The following PPID variants were observed in gnomAD, a reference collection of about 807,000 sequenced individuals.
The protein encoded by PPID is peptidyl-prolyl cis-trans isomerase D.
Under a neutral mutation model 48.1 loss-of-function variants are expected in PPID, and 47 were observed. That is an observed-to-expected ratio of 0.98 (90% CI 0.77 to 1.25). PPID has a LOEUF of 1.25. PPID is among the 50% of genes most tolerant of loss of function. PPID has a pLI of 0.00. For synonymous variants in PPID, 163 were observed against 148.8 expected (o/e 1.10, Z -0.69); for missense variants, 429 against 443.5 (o/e 0.97, Z 0.29).
At chr4:158,719,429 C>T (rs1580433119) in intron 2 of PPID, 143 bp from the exon 3 acceptor site, 1 of 610,294 alleles carries the variant, frequency 1.6e-6, no homozygotes, top group Non-Finnish European at 2.9e-6. Context: ...CACCCGTCTC[C>T]GCAACTCCAA....
At chr4:158,713,296 C>T (rs777380310) in intron 6 of PPID, 36 bp from the exon 7 acceptor site, 3 of 1,534,728 alleles carry the variant, frequency 2.0e-6, no homozygotes, top group African/African-American at 2.8e-5. Context: ...TATGAAAGAC[C>T]ACATAAACAG....
chr4:158,722,008 C>T (rs889353174), intron 1 of PPID, among the ~76,000 whole-genome samples: 4 of 152,154 alleles, frequency 2.6e-5, no homozygotes, highest in Non-Finnish European at 5.9e-5. Flanking sequence ...ATGAATAATG[C>T]TGCAATGAAC....
intron 1 of PPID, among the ~76,000 whole-genome samples, chr4:158,722,996 C>T (rs1361251733): frequency 6.6e-6 from 1 of 152,200 alleles, no homozygotes; most frequent in Non-Finnish European, 1.5e-5. Context: ...CCAGAAACTT[C>T]CGCACCACCG....
chr4:158,714,845 C>G (rs1774844336), intron 6 of PPID, among the ~76,000 whole-genome samples: 1 of 152,186 alleles, frequency 6.6e-6, no homozygotes, highest in South Asian at 2.1e-4. Context: ...CCAGCTTGGC[C>G]TCCCAAAGTG....
intron 5 of PPID, 70 bp from the exon 6 acceptor site, chr4:158,715,473 G>A (rs1183391354): frequency 1.4e-5 from 22 of 1,541,660 alleles, no homozygotes; most frequent in Admixed American, 3.6e-5. Flanking sequence ...TCTATCATAT[G>A]AGAGACTGAA....
At chr4:158,719,140 A>T in intron 3 of PPID, 40 bp downstream of exon 3, 2 of 1,344,432 alleles carry the variant, frequency 1.5e-6, no homozygotes, top group Non-Finnish European at 2.1e-6. Flanking sequence ...ATATATAACA[A>T]TCTTTTTATC....
intron 7 of PPID, 131 bp downstream of exon 7, chr4:158,712,988 G>T (rs773842936): frequency 4.9e-5 from 47 of 961,954 alleles, no homozygotes; most frequent in Non-Finnish European, 7.0e-5. Context: ...AAAATATTTA[G>T]AAACAAAATG....
At position 158,719,084 on chromosome 4, in the gene PPID, C is replaced by A. The variant is rs532312704; in HGVS notation, c.333+96G>T. 2.3e-5 allele frequency: 17 copies of A among 730,092 alleles called. No homozygotes were observed. The African/African-American group carries it at 3.0e-4, about 13-fold the overall frequency. 45.2% of individuals were successfully genotyped at this position (730,092 alleles called of 1,614,324 possible). On this transcript the variant is annotated intron_variant, in intron 3 of 9. Coordinates refer to ENST00000307720, the MANE Select transcript of PPID (RefSeq NM_005038.3). The stretch of plus-strand genomic sequence containing the variant: ...TATTACAAGAAATGGAGAATCTAAG[C>A]ACACTTGAAACATTTTTTGGTGTCT...
chr4:158,714,966 G>A (rs1774846198), intron 6 of PPID, among the ~76,000 whole-genome samples: 1 of 152,112 alleles, frequency 6.6e-6, no homozygotes, highest in Non-Finnish European at 1.5e-5. Flanking sequence ...GAATGTCTTT[G>A]TTTCTTAGGA....
At chr4:158,712,999 T>C (rs1046972010) in intron 7 of PPID, 120 bp downstream of exon 7, 2 of 1,047,216 alleles carry the variant, frequency 1.9e-6, no homozygotes, top group African/African-American at 3.3e-5. Flanking sequence ...AAACAAAATG[T>C]TTTCTTAAGC....
Position 158,717,010 on chromosome 4 carries a change from A to G in PPID, c.522+2T>C. ...TGTATTTCACTGTAACTTTTTACTT[A>G]CTTTAGCAGGTTTTTCACCTTTCAC... On this transcript the variant is annotated splice_donor_variant, in intron 4 of 9. Coordinates refer to ENST00000307720, the MANE Select transcript of PPID (RefSeq NM_005038.3). LOFTEE classifies it high-confidence loss of function. 1 of 1,607,318 alleles carries G rather than the reference A, an allele frequency of 6.2e-7. No homozygotes were observed. Among genetic ancestry groups the G allele is most frequent in the South Asian group, 1.1e-5 (1 of 90,726 alleles).
chr4:158,723,141 C>T, intron 1 of PPID, 63 bp downstream of exon 1: 1 of 1,484,710 alleles, frequency 6.7e-7, no homozygotes. Flanking sequence ...CCCTTGGAAT[C>T]CCCCAAATCC....
In PPID at chr4:158,721,339, A is replaced by T. The variant is rs555339594; in HGVS notation, c.226+4T>A. ...ATAACAAGATTAAGAAAATTTACAC[A>T]TACTTCGATGAAAAGGGCATCCTTT... On this transcript the variant is annotated splice_donor_region_variant and intron_variant, in intron 2 of 9. Transcript: ENST00000307720. 6.2e-7 allele frequency: 1 copy of T among 1,613,542 alleles called. No individual in the cohort carries two copies. Among genetic ancestry groups the T allele is most frequent in the Non-Finnish European group, 8.5e-7 (1 of 1,179,736 alleles).
At chr4:158,710,973 C>G in intron 7 of PPID, 125 bp from the exon 8 acceptor site, 1 of 830,656 alleles carries the variant, frequency 1.2e-6, no homozygotes, top group Non-Finnish European at 1.9e-6. Flanking sequence ...CTGAAACATG[C>G]AAATAGCTCT....
At chr4:158,710,199 A>G (rs916609446) in intron 9 of PPID, 1 of 337,640 alleles carries the variant, frequency 3.0e-6, no homozygotes, top group Admixed American at 4.7e-5. Flanking sequence ...TAAAACATAT[A>G]ACCAGTACAT....
At chr4:158,720,096 C>T (rs949087658) in intron 2 of PPID, among the ~76,000 whole-genome samples, 6 of 152,202 alleles carry the variant, frequency 3.9e-5, no homozygotes, top group African/African-American at 1.4e-4. Flanking sequence ...GCACACTCTA[C>T]CTAGCATGTA....
At chr4:158,713,291 A>G (rs1357522067) in intron 6 of PPID, 31 bp from the exon 7 acceptor site, 1 of 1,548,754 alleles carries the variant, frequency 6.5e-7, no homozygotes, top group African/African-American at 1.4e-5. Flanking sequence ...AGCAGTATGA[A>G]AGACCACATA....
In PPID at chr4:158,715,308, T is replaced by G. The variant is rs779279365; in HGVS notation, c.741A>C (p.Ala247=). The G allele has an allele frequency of 6.8e-5, 103 of 1,504,658 alleles. 1 individual carries two copies. Among genetic ancestry groups the G allele is most frequent in the Non-Finnish European group, 9.1e-5 (102 of 1,125,114 alleles). 93.2% of individuals were successfully genotyped at this position (1,504,658 alleles called of 1,614,324 possible). A position where few individuals can be genotyped will look rare whatever the true frequency, so the allele number is the denominator to read the frequency against. The change falls in exon 6 of 10, where the codon GCA becomes GCC. Residue 247 remains alanine, a synonymous_variant. Coordinates refer to ENST00000307720, the MANE Select transcript of PPID (RefSeq NM_005038.3). ...QNWEMAIKKY[A]EVLRYVDSSK... is the part of the protein sequence containing the mutation. ...AGAAATAATATTACCTTAAAACTTC[T>G]GCATATTTTTTAATAGCCATCTCCC...
chr4:158,710,150 G>T (rs546033367), intron 9 of PPID: 2 of 338,850 alleles, frequency 5.9e-6, no homozygotes, highest in Non-Finnish European at 1.1e-5. Flanking sequence ...TTCATAGTTG[G>T]TTTATTTGAA....
Sources: allele counts gnomAD v4.1 joint callset (sites outside exome capture counted in the v4.1 genomes callset), GRCh38; gene constraint gnomAD v4.1.1; transcripts MANE v1.5; gene names NCBI Gene and HGNC (gene_info 2026-07-23, HGNC 2026-07-21).